Variants in TMEM45A observed in about 807,000 individuals in gnomAD.
The protein encoded by TMEM45A is transmembrane protein 45A.
A neutral mutation model predicts 32.0 loss-of-function variants in TMEM45A; 25 were observed. The observed-to-expected ratio is 0.78, with a 90% CI of 0.57 to 1.09. The LOEUF (loss-of-function observed/expected upper bound fraction) is 1.09, where lower values mean the gene tolerates loss of function less well. TMEM45A is among the 50% of genes least tolerant of loss of function. The probability of loss-of-function intolerance (pLI) is 0.00; values close to 1 mark genes in which losing one functional copy is unlikely to be tolerated. For synonymous variants in TMEM45A, 122 were observed against 114.8 expected (o/e 1.06, Z -0.40); for missense variants, 302 against 325.0 (o/e 0.93, Z 0.54).
intron 1 of TMEM45A, among the ~76,000 whole-genome samples, chr3:100,535,940 A>G (rs1194057130): frequency 6.6e-6 from 1 of 152,226 alleles, no homozygotes; most frequent in Non-Finnish European, 1.5e-5. Flanking sequence ...CTAAGAGAAA[A>G]GGGGAAAAAA....
At chr3:100,519,348 T>C in intron 1 of TMEM45A, 1 of 572,280 alleles carries the variant, frequency 1.7e-6, no homozygotes, top group Non-Finnish European at 3.1e-6. Context: ...GCTTACTAGT[T>C]GCTTTTGACA....
chr3:100,567,696 T>C (rs1706472856), intron 4 of TMEM45A, among the ~76,000 whole-genome samples: 1 of 152,162 alleles, frequency 6.6e-6, no homozygotes, highest in Non-Finnish European at 1.5e-5. Context: ...ATGCAGATTT[T>C]GGTGTACAAG....
At chr3:100,510,276 A>C (rs1708138442) in intron 1 of TMEM45A, among the ~76,000 whole-genome samples, 1 of 152,220 alleles carries the variant, frequency 6.6e-6, no homozygotes, top group South Asian at 2.1e-4. Context: ...AGATCTGAGA[A>C]TGGGCAGACT....
chr3:100,518,126 A>G (rs943863991), intron 1 of TMEM45A, among the ~76,000 whole-genome samples: 5 of 152,206 alleles, frequency 3.3e-5, no homozygotes, highest in African/African-American at 1.2e-4. Flanking sequence ...AGAAAAAAGG[A>G]AGCCATTCTT....
chr3:100,494,643 A>T (rs1448718669), intron 1 of TMEM45A, among the ~76,000 whole-genome samples: 1 of 151,982 alleles, frequency 6.6e-6, no homozygotes, highest in Non-Finnish European at 1.5e-5. Flanking sequence ...AAAAAAAAAA[A>T]ATTCTAAGTG....
At chr3:100,506,839 G>A (rs187781837) in intron 1 of TMEM45A, among the ~76,000 whole-genome samples, 36 of 152,300 alleles carry the variant, frequency 2.4e-4, no homozygotes, top group Admixed American at 2.0e-3. Context: ...GAGCAGTAAG[G>A]ACCAAACCAG....
At chr3:100,542,472 A>G (rs1705903914) in intron 1 of TMEM45A, among the ~76,000 whole-genome samples, 1 of 152,246 alleles carries the variant, frequency 6.6e-6, no homozygotes, top group Non-Finnish European at 1.5e-5. Context: ...TAATTAAACT[A>G]AAGATCTTCT....
intron 1 of TMEM45A, among the ~76,000 whole-genome samples, chr3:100,540,921 G>C (rs1464876737): frequency 6.6e-6 from 1 of 152,146 alleles, no homozygotes; most frequent in Non-Finnish European, 1.5e-5. Flanking sequence ...CACAGGAACT[G>C]AACTAATTTA....
intron 1 of TMEM45A, chr3:100,519,381 G>T: frequency 3.4e-6 from 2 of 580,304 alleles, no homozygotes; most frequent in Admixed American, 6.3e-5. Context: ...GTGTGTGTGT[G>T]TGTGCATGTG....
chr3:100,506,759 A>G (rs1351281890), intron 1 of TMEM45A, among the ~76,000 whole-genome samples: 3 of 152,212 alleles, frequency 2.0e-5, no homozygotes, highest in Non-Finnish European at 4.4e-5. Context: ...GTCGTAGGTA[A>G]TGGTGATGGT....
chr3:100,496,993 T>C (rs1297060439), intron 1 of TMEM45A, among the ~76,000 whole-genome samples: 1 of 152,216 alleles, frequency 6.6e-6, no homozygotes, highest in Non-Finnish European at 1.5e-5. Flanking sequence ...TCATGGTGAA[T>C]ATCAATGAAG....
chr3:100,498,585 T>TTG (rs138909180), intron 1 of TMEM45A, among the ~76,000 whole-genome samples: 4 of 151,820 alleles, frequency 2.6e-5, no homozygotes, highest in Non-Finnish European at 4.4e-5. Flanking sequence ...GTGTGTGTGT[T>TTG]TGTGTGTGTG....
At chr3:100,504,994 C>T (rs750673311) in intron 1 of TMEM45A, among the ~76,000 whole-genome samples, 22 of 152,104 alleles carry the variant, frequency 1.4e-4, no homozygotes, top group Non-Finnish European at 1.2e-4. Flanking sequence ...ATGGGTCTGT[C>T]GTGGGTCGAG....
At chr3:100,556,689 C>A in intron 2 of TMEM45A, 71 bp from the exon 3 acceptor site, 1 of 1,357,862 alleles carries the variant, frequency 7.4e-7, no homozygotes, top group East Asian at 2.5e-5. Context: ...AAGCAATGGA[C>A]TAGTCCTCCT....
At chr3:100,524,558 T>C (rs1210345164) in intron 1 of TMEM45A, among the ~76,000 whole-genome samples, 1 of 152,200 alleles carries the variant, frequency 6.6e-6, no homozygotes, top group Non-Finnish European at 1.5e-5. Flanking sequence ...GAGCCACATG[T>C]GGCTATTGAA....
chr3:100,554,398 T>A lies in TMEM45A; in HGVS notation c.-3-811T>A, dbSNP rs1265939878. The stretch of plus-strand genomic sequence containing the variant: ...ACAAAATCTGAAGCAGGCTGGTTGA[T>A]CACCTTCTGGGTTGCAGATATGCCA... On this transcript the variant is annotated intron_variant, in intron 1 of 5. Transcript: ENST00000323523. 2.0e-5 allele frequency among the ~76,000 whole-genome samples: 3 copies of A among 152,232 alleles called. No individual in the cohort carries two copies. The East Asian group carries it at 5.8e-4, about 29-fold the overall frequency.
chr3:100,497,604 A>G lies in TMEM45A; in HGVS notation c.-4+4676A>G, dbSNP rs188686786. The stretch of plus-strand genomic sequence containing the variant: ...TTCTGGAACCAATATTCTACTTGCT[A>G]TTTTTATGAATTTGACTATTCTAGG... On this transcript the variant is annotated intron_variant, in intron 1 of 5. Transcript: ENST00000323523. 3.9e-3 allele frequency among the ~76,000 whole-genome samples: 588 copies of G among 152,218 alleles called. 7 individuals carry two copies. Among genetic ancestry groups the G allele is most frequent in the African/African-American group, 0.013 (535 of 41,528 alleles).
At chr3:100,524,156 C>T (rs1705494903) in intron 1 of TMEM45A, among the ~76,000 whole-genome samples, 1 of 152,224 alleles carries the variant, frequency 6.6e-6, no homozygotes, top group East Asian at 1.9e-4. Flanking sequence ...CTTGAAGAGA[C>T]TTGTTATGTG....
intron 5 of TMEM45A, chr3:100,574,177 C>CA (rs1323747756): frequency 2.0e-5 from 3 of 151,888 alleles, no homozygotes; most frequent in African/African-American, 7.3e-5. Flanking sequence ...AGGAATGGTA[C>CA]AAAAAACCTT....
Sources: allele counts gnomAD v4.1 joint callset (sites outside exome capture counted in the v4.1 genomes callset), GRCh38; gene constraint gnomAD v4.1.1; transcripts MANE v1.5; gene names NCBI Gene and HGNC (gene_info 2026-07-23, HGNC 2026-07-21).